CCDC106: variants seen among roughly 807,000 people sequenced by gnomAD.
CCDC106 encodes the protein coiled-coil domain containing 106.
Under a neutral mutation model 24.7 loss-of-function variants are expected in CCDC106, and 17 were observed. The observed-to-expected ratio is 0.69, with a 90% CI of 0.47 to 1.03. The LOEUF (loss-of-function observed/expected upper bound fraction) is 1.03, where lower values mean the gene tolerates loss of function less well. Ranked by LOEUF, CCDC106 falls within the 50% of genes least tolerant of loss-of-function variation. The pLI is 0.00. For synonymous variants in CCDC106, 211 were observed against 161.3 expected (o/e 1.31, Z -2.34); for missense variants, 337 against 388.9 (o/e 0.87, Z 1.12).
Position 55,652,071 on chromosome 19 carries a change from C to T in CCDC106, c.527-359C>T, listed in dbSNP as rs896297614. Among the ~76,000 whole-genome samples, 5 of 152,122 alleles carry T rather than the reference C, an allele frequency of 3.3e-5. No individual in the cohort carries two copies. The highest frequency in any genetic ancestry group is 2.1e-4 in the South Asian group (1 of 4,810). On this transcript the variant is annotated intron_variant, in intron 4 of 4. Transcript: ENST00000586790. The surrounding 1 kb of genome is among the most constrained non-coding windows in gnomAD (Gnocchi z 5.9). ...GAGGTGCGCAGTAGGACCTACCTCA[C>T]GGGGAGGGTGAGACTTGAATAAGTG...
intron 3 of CCDC106, 83 bp downstream of exon 3, chr19:55,649,667 T>C: frequency 1.4e-6 from 2 of 1,382,972 alleles, no homozygotes; most frequent in South Asian, 2.7e-5. Context: ...CTCCACTGTT[T>C]GGCTGGCTGG....
At position 55,653,009 on chromosome 19, in the gene CCDC106, C is replaced by CA. The variant is rs894483854; in HGVS notation, c.*263_*264insA. On this transcript the variant is annotated 3_prime_UTR_variant, in exon 5 of 5. Coordinates refer to ENST00000586790, the MANE Select transcript of CCDC106 (RefSeq NM_001370470.1). Reference sequence around the variant, plus strand: ...AAAACCAGGCAGGCGGGTGCCCCCCCCTCGAGTGGGGGACTGTACAGACCC... The same window carrying CA: ...AAAACCAGGCAGGCGGGTGCCCCCCCACTCGAGTGGGGGACTGTACAGACCC... 15 of 492,330 alleles carry CA rather than the reference C, an allele frequency of 3.0e-5. No individual in the cohort carries two copies. The highest frequency in any genetic ancestry group is 1.1e-4 in the Admixed American group (3 of 27,372). The allele number at this position is 492,330 out of a possible 1,614,324, so 30.5% of individuals were successfully genotyped here. A position where few individuals can be genotyped will look rare whatever the true frequency, so the allele number is the denominator to read the frequency against.
intron 3 of CCDC106, among the ~76,000 whole-genome samples, chr19:55,650,492 G>A (rs919665511): frequency 6.6e-6 from 1 of 152,150 alleles, no homozygotes; most frequent in South Asian, 2.1e-4. Flanking sequence ...TGGCTGGGAA[G>A]ACCCCTCAAA....
chr19:55,651,379 C>G lies in CCDC106; in HGVS notation c.410C>G (p.Ser137Cys). 1.9e-6 allele frequency: 3 copies of G among 1,612,242 alleles called. No homozygotes were observed. The highest frequency in any genetic ancestry group is 2.5e-6 in the Non-Finnish European group (3 of 1,179,270). Residue 137 changes from serine to cysteine, a missense_variant, in exon 4 of 5, where the codon TCC becomes TGC. Physicochemically the swap from Ser to Cys is moderately radical, Grantham distance 112. Around this residue, in one of 2 missense-constraint regions of CCDC106, gnomAD observed 234 missense variants for 236.5 expected, o/e 0.99. Coordinates refer to ENST00000586790, the MANE Select transcript of CCDC106 (RefSeq NM_001370470.1). ...GCCTCGGACCCTGAGTCAGCAGCCT[C>G]CTCCCTCAGCGGAGCGTCCGAAGAA... Reference protein sequence around the residue: ...GEASDPESAASSLSGASEEGS... With the variant: ...GEASDPESAACSLSGASEEGS...
At position 55,649,491 on chromosome 19, in the gene CCDC106, TGGCTG is replaced by T; in HGVS notation, c.221_225del (p.Trp74SerfsTer58). 6.2e-7 allele frequency: 1 copy of T among 1,614,114 alleles called. No homozygotes were observed. Among genetic ancestry groups the T allele is most frequent in the South Asian group, 1.1e-5 (1 of 91,078 alleles). ...GCACATGGCTCTGGAGAGGAACTCC[TGGCTG>T]CAGAAGCGCATCGAGGACCTGGAGG... On this transcript the variant is annotated frameshift_variant, in exon 3 of 5. Transcript: ENST00000586790. LOFTEE classifies it high-confidence loss of function.
chr19:55,652,291 G>C lies in CCDC106; in HGVS notation c.527-139G>C, dbSNP rs1006106350. On this transcript the variant is annotated intron_variant, in intron 4 of 4. Transcript: ENST00000586790. This position sits in a 1 kb window ranked among gnomAD's most constrained non-coding sequence, Gnocchi z 5.9. ...CCTCTCTGCCCCTTCCTTGCCTGTT[G>C]TTCTCCGTCTCCACCTGCACCGGCC... 29 of 681,864 alleles carry C rather than the reference G, an allele frequency of 4.3e-5. No individual in the cohort carries two copies. The highest frequency in any genetic ancestry group is 2.5e-6 in the Non-Finnish European group (1 of 402,438). 42.2% of individuals were successfully genotyped at this position (681,864 alleles called of 1,614,324 possible).
At position 55,648,923 on chromosome 19, in the gene CCDC106, C is replaced by T; in HGVS notation, c.-124C>T. The T allele has an allele frequency of 1.0e-6, 1 of 967,612 alleles. No homozygotes were observed. The highest frequency in any genetic ancestry group is 1.6e-6 in the Non-Finnish European group (1 of 606,090). 59.9% of individuals were successfully genotyped at this position (967,612 alleles called of 1,614,324 possible). A position where few individuals can be genotyped will look rare whatever the true frequency, so the allele number is the denominator to read the frequency against. ...AGGGGTCCAGGCCAGAAGGTCCCTC[C>T]TGTCTCACTTCACCTCCCCCAGGAT... is the stretch of plus-strand genomic sequence containing the variant. On this transcript the variant is annotated 5_prime_UTR_variant, in exon 1 of 5. Coordinates refer to ENST00000586790, the MANE Select transcript of CCDC106 (RefSeq NM_001370470.1).
intron 3 of CCDC106, 114 bp from the exon 4 acceptor site, chr19:55,651,169 G>A: frequency 1.2e-6 from 1 of 815,914 alleles, no homozygotes; most frequent in Non-Finnish European, 2.1e-6. Context: ...TGTCTCTTTA[G>A]GGGACCAGCC....
upstream of CCDC106, among the ~76,000 whole-genome samples, chr19:55,647,790 G>T (rs533063908): frequency 2.4e-3 from 363 of 152,130 alleles, 2 homozygotes; most frequent in Non-Finnish European, 3.5e-3. Context: ...AGGGGTCCGC[G>T]CTGGCTAGTT....
At chr19:55,651,199 C>T (rs760377880) in intron 3 of CCDC106, 84 bp from the exon 4 acceptor site, 58 of 1,062,122 alleles carry the variant, frequency 5.5e-5, no homozygotes, top group Admixed American at 1.0e-4. Flanking sequence ...GGATCCAGTT[C>T]GGGGACTGCA....
chr19:55,652,138 G>T lies in CCDC106; in HGVS notation c.527-292G>T, dbSNP rs1355328394. ...GGAGACGAGGGTGATGGCTCGGGGT[G>T]TCGGGGGGTGCTGGGACCGCGTGGG... On this transcript the variant is annotated intron_variant, in intron 4 of 4. Coordinates refer to ENST00000586790, the MANE Select transcript of CCDC106 (RefSeq NM_001370470.1). This position sits in a 1 kb window ranked among gnomAD's most constrained non-coding sequence, Gnocchi z 5.9. 6.6e-6 allele frequency among the ~76,000 whole-genome samples: 1 copy of T among 152,072 alleles called. No individual in the cohort carries two copies. Among genetic ancestry groups the T allele is most frequent in the African/African-American group, 2.4e-5 (1 of 41,378 alleles).
rs771535792 is a variant in CCDC106, at chr19:55,652,730, A to G, written c.827A>G (p.Tyr276Cys). 6.2e-7 allele frequency: 1 copy of G among 1,611,570 alleles called. No individual in the cohort carries two copies. The highest frequency in any genetic ancestry group is 8.5e-7 in the Non-Finnish European group (1 of 1,179,352). The change falls in exon 5 of 5, where the codon TAC becomes TGC. Residue 276 changes from tyrosine to cysteine, a missense_variant. By Grantham distance (194) the Tyr-to-Cys change is radical. Coordinates refer to ENST00000586790, the MANE Select transcript of CCDC106 (RefSeq NM_001370470.1). The surrounding 1 kb of genome is among the most constrained non-coding windows in gnomAD (Gnocchi z 5.9). ...AGCAAGCTGCTGCTGCCCATCACCT[A>G]CCGCTTCAAGCGGTGATCGCACCAC... ...KKSKLLLPITYRFKR is the reference protein window; with the variant it reads ...KKSKLLLPITCRFKR
chr19:55,650,333 G>A (rs1175470705), intron 3 of CCDC106, among the ~76,000 whole-genome samples: 1 of 152,128 alleles, frequency 6.6e-6, no homozygotes. Flanking sequence ...GTCTTCTCTT[G>A]ACTGGTGGGA....
Position 55,652,466 on chromosome 19 carries a change from A to T in CCDC106, c.563A>T (p.Lys188Met), listed in dbSNP as rs1360352132. ...GACGGGGTCCTCTGCCGGTACAAGA[A>T]GATCCTGGGCACCTTCCAGAAGCTC... is the stretch of plus-strand genomic sequence containing the variant. ...DADGVLCRYK[K>M]ILGTFQKLKS... Residue 188 changes from lysine (K) to methionine (M), a missense_variant, in exon 5 of 5, where the codon AAG becomes ATG. Around this residue, in one of 2 missense-constraint regions of CCDC106, gnomAD observed 103 missense variants for 152.4 expected, o/e 0.68. Transcript: ENST00000586790. The surrounding 1 kb of genome is among the most constrained non-coding windows in gnomAD (Gnocchi z 5.9). 1.9e-6 allele frequency: 3 copies of T among 1,608,608 alleles called. No individual in the cohort carries two copies. The highest frequency in any genetic ancestry group is 2.2e-5 in the South Asian group (2 of 90,834).
rs1214868440 is a variant in CCDC106, at chr19:55,648,817, T to C, written c.-230T>C. On this transcript the variant is annotated 5_prime_UTR_variant, in exon 1 of 5. Transcript: ENST00000586790. ...CCTAGGCGGCTGGGCCCCCTGCCCC[T>C]GACTCCAGGAGCCCAGGAGTTTGAA... 2.9e-5 allele frequency: 17 copies of C among 593,802 alleles called. No individual in the cohort carries two copies. The Admixed American group carries it at 5.1e-4, about 18-fold the overall frequency. 36.8% of individuals were successfully genotyped at this position (593,802 alleles called of 1,614,324 possible). A position where few individuals can be genotyped will look rare whatever the true frequency, so the allele number is the denominator to read the frequency against.
chr19:55,651,510 T>C lies in CCDC106; in HGVS notation c.526+15T>C, dbSNP rs1159004725. The C allele has an allele frequency of 4.6e-6, 7 of 1,533,274 alleles. No homozygotes were observed. The highest frequency in any genetic ancestry group is 5.3e-6 in the Non-Finnish European group (6 of 1,136,422). The allele number at this position is 1,533,274 out of a possible 1,614,324, so 95.0% of individuals were successfully genotyped here. On this transcript the variant is annotated intron_variant, in intron 4 of 4. Transcript: ENST00000586790. ...GAGGCAGCGAGGTGAGTGGGGTGCA[T>C]GGGGCGGGCGCTGAGGGGCCCGGGC... is the stretch of plus-strand genomic sequence containing the variant.
chr19:55,649,075 C>T lies in CCDC106; in HGVS notation c.29C>T (p.Thr10Ile), dbSNP rs1335065829. The T allele has an allele frequency of 4.3e-6, 7 of 1,613,836 alleles. No individual in the cohort carries two copies. The highest frequency in any genetic ancestry group is 1.7e-5 in the Admixed American group (1 of 60,006). The stretch of plus-strand genomic sequence containing the variant: ...AATGACCGGAGCAGTCGGAGGCGGA[C>T]AAGTGAGGAAGCTGGGTCCCCTTCC... The part of the protein sequence containing the change: MNDRSSRRR[T>I]MKDDETFEIS... Residue 10 changes from threonine (T) to isoleucine (I), a missense_variant and splice_region_variant, in exon 1 of 5, where the codon ACA becomes ATA. Coordinates refer to ENST00000586790, the MANE Select transcript of CCDC106 (RefSeq NM_001370470.1).
rs1464789717 is a variant in CCDC106 at position 55,648,953 on chromosome 19, C to A, written c.-94C>A. ...TCACTTCACCTCCCCCAGGATGGAC[C>A]CTCCAGTCCATCTGCGTCTCTCCAT... On this transcript the variant is annotated 5_prime_UTR_variant, in exon 1 of 5. Coordinates refer to ENST00000586790, the MANE Select transcript of CCDC106 (RefSeq NM_001370470.1). 1 of 1,232,932 alleles carries A rather than the reference C, an allele frequency of 8.1e-7. No individual in the cohort carries two copies. The highest frequency in any genetic ancestry group is 1.2e-6 in the Non-Finnish European group (1 of 836,996). 76.4% of individuals were successfully genotyped at this position (1,232,932 alleles called of 1,614,324 possible). A position where few individuals can be genotyped will look rare whatever the true frequency, so the allele number is the denominator to read the frequency against.
Position 55,652,358 on chromosome 19 carries a change from T to G in CCDC106, c.527-72T>G, listed in dbSNP as rs1983366250. ...GAGATCCTTTCTTCCCATGGCCGTT[T>G]CCCTTCCCGTGTCCGCCCCCTCAGT... On this transcript the variant is annotated intron_variant, in intron 4 of 4. Transcript: ENST00000586790. This position sits in a 1 kb window ranked among gnomAD's most constrained non-coding sequence, Gnocchi z 5.9. The G allele has an allele frequency of 2.2e-6, 3 of 1,353,794 alleles. No homozygotes were observed. The highest frequency in any genetic ancestry group is 2.1e-5 in the Admixed American group (1 of 48,432). 83.9% of individuals were successfully genotyped at this position (1,353,794 alleles called of 1,614,324 possible).
Sources: allele counts gnomAD v4.1 joint callset (sites outside exome capture counted in the v4.1 genomes callset), GRCh38; gene constraint gnomAD v4.1.1; regional missense constraint gnomAD v4.1.1; non-coding constraint Gnocchi (gnomAD v3.1); transcripts MANE v1.5; gene names NCBI Gene and HGNC (gene_info 2026-07-23, HGNC 2026-07-21).